ZRANB3: variants seen among roughly 807,000 people sequenced by gnomAD.
ZRANB3 encodes DNA annealing helicase and endonuclease ZRANB3.
ZRANB3 carries 125 observed loss-of-function variants against 133.8 expected under a neutral mutation model. That is an observed-to-expected ratio of 0.93 (90% CI 0.81 to 1.08). The LOEUF is 1.08. Among genes scored for constraint, ZRANB3 ranks in the 50% least tolerant of loss-of-function variants. The pLI, the probability that ZRANB3 is intolerant of heterozygous loss-of-function variation, is 0.00. For synonymous variants in ZRANB3, 387 were observed against 432.7 expected, an observed-to-expected ratio of 0.89 and a Z score of 1.31; for missense variants, 1,229 against 1,275.5, an observed-to-expected ratio of 0.96 and a Z score of 0.56.
intron 1 of ZRANB3, among the ~76,000 whole-genome samples, chr2:135,513,324 C>G (rs140229395): frequency 2.0e-4 from 31 of 152,232 alleles, no homozygotes; most frequent in South Asian, 1.7e-3. Context: ...TACAAAGTGA[C>G]AATAATCAAG....
At chr2:135,334,621 C>A (rs567735379) in intron 6 of ZRANB3, among the ~76,000 whole-genome samples, 1 of 151,996 alleles carries the variant, frequency 6.6e-6, no homozygotes, top group Non-Finnish European at 1.5e-5. Flanking sequence ...TTAGGCCAGT[C>A]GCGGTAGCTC....
intron 1 of ZRANB3, chr2:135,530,543 G>GA (rs1221790253): frequency 1.5e-4 from 23 of 152,364 alleles, no homozygotes; most frequent in African/African-American, 4.3e-4. Flanking sequence ...ATTCGCCGCA[G>GA]AATCTCCAAC....
chr2:135,423,706 C>T (rs1201527712), intron 2 of ZRANB3, among the ~76,000 whole-genome samples: 3 of 152,138 alleles, frequency 2.0e-5, no homozygotes, highest in Admixed American at 2.0e-4. Context: ...ATAGGAGAAA[C>T]AGGTGAGGTT....
intron 2 of ZRANB3, among the ~76,000 whole-genome samples, chr2:135,445,922 C>T (rs1340653221): frequency 7.1e-6 from 1 of 141,302 alleles, no homozygotes; most frequent in Admixed American, 7.2e-5. Context: ...TTGCATGACA[C>T]GGCCTGGTGC....
chr2:135,407,764 A>T (rs979646843), intron 2 of ZRANB3, among the ~76,000 whole-genome samples: 5 of 149,784 alleles, frequency 3.3e-5, no homozygotes, highest in African/African-American at 1.3e-4. Flanking sequence ...AAAACTGGCT[A>T]GCCATATGTA....
At chr2:135,265,744 CTAAG>C in intron 11 of ZRANB3, 58 bp from the exon 12 acceptor site, 1 of 1,516,686 alleles carries the variant, frequency 6.6e-7, no homozygotes, top group Non-Finnish European at 8.9e-7. Context: ...CTGAAATTCA[CTAAG>C]TAACTTGATT....
chr2:135,239,790 C>T (rs1695470689), intron 12 of ZRANB3, among the ~76,000 whole-genome samples: 1 of 151,960 alleles, frequency 6.6e-6, no homozygotes, highest in Non-Finnish European at 1.5e-5. Flanking sequence ...AGTTTGAGAC[C>T]AGCCTGGCCA....
At chr2:135,400,673 A>G (rs59839813) in intron 2 of ZRANB3, among the ~76,000 whole-genome samples, 15,851 of 152,204 alleles carry the variant, frequency 0.1, 1,093 homozygotes, top group South Asian at 0.32. Context: ...TCACCAATAT[A>G]TTCTAAGGCA....
intron 2 of ZRANB3, among the ~76,000 whole-genome samples, chr2:135,496,895 A>G (rs1217956711): frequency 6.6e-6 from 1 of 152,200 alleles, no homozygotes; most frequent in African/African-American, 2.4e-5. Context: ...TAAGAAGCAC[A>G]GTTCTCCCTT....
chr2:135,488,445 A>T (rs1325472678), intron 2 of ZRANB3, among the ~76,000 whole-genome samples: 1 of 152,034 alleles, frequency 6.6e-6, no homozygotes, highest in Non-Finnish European at 1.5e-5. Context: ...AAAGCACAAT[A>T]AAGCAAATTA....
intron 8 of ZRANB3, among the ~76,000 whole-genome samples, chr2:135,296,226 A>C (rs1682078837): frequency 6.6e-6 from 1 of 152,180 alleles, no homozygotes; most frequent in Admixed American, 6.5e-5. Flanking sequence ...AATCAGACGT[A>C]GATTTGGTCT....
chr2:135,290,654 T>A (rs1360110519), intron 8 of ZRANB3, among the ~76,000 whole-genome samples: 1 of 151,716 alleles, frequency 6.6e-6, no homozygotes, highest in Non-Finnish European at 1.5e-5. Flanking sequence ...GTTGCCTGAA[T>A]ACCTTGGGCT....
chr2:135,202,752 A>G, intron 20 of ZRANB3, 80 bp downstream of exon 20: 1 of 1,474,374 alleles, frequency 6.8e-7, no homozygotes, highest in Admixed American at 2.1e-5. Context: ...ATTCATCCAC[A>G]TAATCTTCCA....
chr2:135,291,162 C>G (rs772215400), intron 8 of ZRANB3, among the ~76,000 whole-genome samples: 2 of 149,012 alleles, frequency 1.3e-5, no homozygotes, highest in South Asian at 4.3e-4. Context: ...GCGCCTGGCC[C>G]GGGAACACCA....
chr2:135,365,848 C>T (rs1685911079), intron 3 of ZRANB3, among the ~76,000 whole-genome samples: 1 of 152,066 alleles, frequency 6.6e-6, no homozygotes, highest in South Asian at 2.1e-4. Context: ...AATTTGAAGA[C>T]ATCATAATTA....
chr2:135,342,766 G>C (rs928650003), intron 6 of ZRANB3, among the ~76,000 whole-genome samples: 1 of 149,142 alleles, frequency 6.7e-6, no homozygotes, highest in Non-Finnish European at 1.5e-5. Flanking sequence ...GTTTCATGTG[G>C]TAGTGCTTTG....
At chr2:135,223,166 G>C (rs561106825) in intron 15 of ZRANB3, among the ~76,000 whole-genome samples, 1 of 151,450 alleles carries the variant, frequency 6.6e-6, no homozygotes, top group Non-Finnish European at 1.5e-5. Context: ...CAGGAGAATC[G>C]TTTGAACCCA....
intron 6 of ZRANB3, among the ~76,000 whole-genome samples, chr2:135,333,690 A>G (rs543913467): frequency 6.6e-6 from 1 of 152,324 alleles, no homozygotes; most frequent in East Asian, 1.9e-4. Context: ...TGTAATGATG[A>G]AAAAGTTCTG....
chr2:135,368,325 T>C (rs1686026074), intron 3 of ZRANB3, among the ~76,000 whole-genome samples: 1 of 152,014 alleles, frequency 6.6e-6, no homozygotes, highest in African/African-American at 2.4e-5. Context: ...TATGTACTAA[T>C]AACTACAACA....
Sources: gnomAD v4.1 joint callset for allele counts (sites outside exome capture counted in the v4.1 genomes callset) on GRCh38, gnomAD v4.1.1 for gene constraint, MANE v1.5 for transcripts, NCBI Gene and HGNC (gene_info 2026-07-23, HGNC 2026-07-21) for gene names.